Variants in IGF2R observed in about 807,000 individuals in gnomAD.
IGF2R encodes cation-independent mannose-6-phosphate receptor.
A neutral mutation model predicts 270.6 loss-of-function variants in IGF2R; 91 were observed. The ratio of observed to expected loss-of-function variants is 0.34; its 90% CI spans 0.28 to 0.40. The LOEUF is 0.40. Among genes scored for constraint, IGF2R ranks in the 10% least tolerant of loss-of-function variants. The probability of loss-of-function intolerance (pLI) is 1.00; values close to 1 mark genes in which losing one functional copy is unlikely to be tolerated. For synonymous variants in IGF2R, 1,316 were observed against 1,258.9 expected (o/e 1.05, Z -0.96); for missense variants, 2,805 against 3,188.3 (o/e 0.88, Z 2.90).
intron 20 of IGF2R, 30 bp from the exon 21 acceptor site, chr6:160,057,993 G>T (rs531833569): frequency 7.9e-6 from 11 of 1,391,172 alleles, no homozygotes; most frequent in Non-Finnish European, 1.1e-5. Flanking sequence ...GTTTGAATGC[G>T]CCCCTTTTTC....
chr6:160,044,803 T>A, intron 13 of IGF2R, 146 bp downstream of exon 13: 1 of 659,770 alleles, frequency 1.5e-6, no homozygotes. Context: ...ACTCTGGCGA[T>A]GGGAGATAGG....
chr6:160,096,863 G>A (rs1321977033), intron 45 of IGF2R, among the ~76,000 whole-genome samples: 1 of 152,130 alleles, frequency 6.6e-6, no homozygotes, highest in Non-Finnish European at 1.5e-5. Flanking sequence ...CAGCAGCAGT[G>A]CCATTGTTTC....
Position 160,024,683 on chromosome 6 carries a change from A to G in IGF2R, c.625A>G (p.Ile209Val), listed in dbSNP as rs772869020. The change falls in exon 5 of 48, where the codon ATC becomes GTC. Residue 209 changes from isoleucine to valine, a missense_variant. Around this residue, in one of 2 missense-constraint regions of IGF2R, gnomAD observed 954 missense variants for 981.1 expected, o/e 0.97. Coordinates refer to ENST00000356956, the MANE Select transcript of IGF2R (RefSeq NM_000876.4). ...DDSDPDTSLF[I>V]NVCRDIDTLR... ...CTCCGATCCGGACACTTCTCTATTC[A>G]TCAATGTTTGTAGAGACATAGGTAT... 3 of 1,613,988 alleles carry G rather than the reference A, an allele frequency of 1.9e-6. No homozygotes were observed. Among genetic ancestry groups the G allele is most frequent in the East Asian group, 2.2e-5 (1 of 44,896 alleles).
intron 45 of IGF2R, among the ~76,000 whole-genome samples, chr6:160,100,685 G>GCAA (rs1393222908): frequency 8.1e-6 from 1 of 123,236 alleles, no homozygotes; most frequent in African/African-American, 2.9e-5. Flanking sequence ...GAAAACTTTA[G>GCAA]CAAAAATTAA....
At chr6:160,018,492 C>T (rs1027113158) in intron 4 of IGF2R, among the ~76,000 whole-genome samples, 6 of 151,982 alleles carry the variant, frequency 3.9e-5, no homozygotes, top group African/African-American at 1.4e-4. Flanking sequence ...ATTTATAGAA[C>T]ATTCTCCCCA....
At chr6:160,055,772 A>G (rs1367296884) in intron 19 of IGF2R, among the ~76,000 whole-genome samples, 1 of 152,148 alleles carries the variant, frequency 6.6e-6, no homozygotes, top group Non-Finnish European at 1.5e-5. Flanking sequence ...CAAAACTCAT[A>G]GTGCAGTCCT....
intron 2 of IGF2R, 68 bp downstream of exon 2, chr6:159,991,391 T>A: frequency 7.1e-7 from 1 of 1,417,408 alleles, no homozygotes; most frequent in Non-Finnish European, 9.9e-7. Context: ...AATGACTGTG[T>A]ATAGCTATAC....
chr6:160,104,501 T>G (rs1779568411), intron 47 of IGF2R, among the ~76,000 whole-genome samples, 173 bp from the exon 48 acceptor site: 1 of 152,022 alleles, frequency 6.6e-6, no homozygotes, highest in South Asian at 2.1e-4. Context: ...AGGAAGGTGT[T>G]GCCAGCCCTC....
intron 2 of IGF2R, among the ~76,000 whole-genome samples, chr6:159,997,189 C>G (rs969546456): frequency 1.3e-5 from 2 of 152,198 alleles, no homozygotes; most frequent in Admixed American, 1.3e-4. Flanking sequence ...TCCTTTGTCC[C>G]AAGGAGTGCC....
intron 2 of IGF2R, among the ~76,000 whole-genome samples, chr6:159,994,985 G>A (rs532113136): frequency 4.6e-5 from 7 of 152,204 alleles, no homozygotes; most frequent in African/African-American, 1.7e-4. Context: ...TAAGTTCAGT[G>A]TTTTATTGTT....
chr6:160,048,318 T>C, intron 17 of IGF2R, 57 bp from the exon 18 acceptor site: 1 of 1,503,442 alleles, frequency 6.7e-7, no homozygotes, highest in Non-Finnish European at 9.2e-7. Flanking sequence ...TAGAAATAAA[T>C]GAGACTGAAA....
Position 160,060,628 on chromosome 6 carries a change from T to G in IGF2R, c.3173T>G (p.Ile1058Ser). Reference protein sequence around the residue: ...SGPLKFLHQDIDSGQGIRNTY... With the variant: ...SGPLKFLHQDSDSGQGIRNTY... Reference sequence around the variant, plus strand: ...CCCCTCAAATTCCTGCATCAAGATATCGACTCTGGGCAAGGGATCCGAAAC... The same window carrying G: ...CCCCTCAAATTCCTGCATCAAGATAGCGACTCTGGGCAAGGGATCCGAAAC... The change falls in exon 23 of 48, where the codon ATC becomes AGC. Residue 1058 changes from isoleucine (I) to serine (S), a missense_variant. By Grantham distance (142) the Ile-to-Ser change is moderately radical. This residue lies in a region of IGF2R where 1,851 missense variants were observed against 2,207.2 expected (regional missense o/e 0.84). Transcript: ENST00000356956. The G allele has an allele frequency of 6.2e-7, 1 of 1,614,238 alleles. No homozygotes were observed. Among genetic ancestry groups the G allele is most frequent in the South Asian group, 1.1e-5 (1 of 91,084 alleles).
intron 10 of IGF2R, among the ~76,000 whole-genome samples, chr6:160,039,194 G>A (rs1348654343): frequency 7.9e-5 from 12 of 152,212 alleles, no homozygotes; most frequent in Non-Finnish European, 1.5e-5. Context: ...AAGCTATATG[G>A]TGTAGCCTAT....
Position 160,079,806 on chromosome 6 carries a change from GTAAA to G in IGF2R, c.5686+24_5686+27del, listed in dbSNP as rs1778938332. 1 of 1,449,508 alleles carries G rather than the reference GTAAA, an allele frequency of 6.9e-7. No homozygotes were observed. The highest frequency in any genetic ancestry group is 9.1e-7 in the Non-Finnish European group (1 of 1,094,134). 89.8% of individuals were successfully genotyped at this position (1,449,508 alleles called of 1,614,324 possible). On this transcript the variant is annotated intron_variant, in intron 38 of 47. Transcript: ENST00000356956. ...CCTCCAGGTAAATATTTGCAATGAG[GTAAA>G]TAAACTTCAAGCTCATAGTAAACTA... is the stretch of plus-strand genomic sequence containing the variant.
At chr6:160,043,068 T>C in intron 11 of IGF2R, 80 bp from the exon 12 acceptor site, 1 of 1,498,004 alleles carries the variant, frequency 6.7e-7, no homozygotes, top group East Asian at 2.3e-5. Flanking sequence ...CCCTTGACTT[T>C]TGGCTTAATC....
chr6:160,008,031 C>T (rs903146859), intron 2 of IGF2R, among the ~76,000 whole-genome samples: 16 of 152,038 alleles, frequency 1.1e-4, no homozygotes, highest in African/African-American at 3.9e-4. Context: ...CTTTGGCCAC[C>T]TAAAATACAC....
At chr6:160,024,761 A>G (rs2277070) in intron 5 of IGF2R, 57 bp downstream of exon 5, 218,317 of 1,565,692 alleles carry the variant, frequency 0.14, 16,407 homozygotes, top group East Asian at 0.27. Context: ...CTATGGCTTC[A>G]ATATCTTTGC....
At chr6:160,066,437 G>A (rs928498142) in intron 29 of IGF2R, among the ~76,000 whole-genome samples, 1 of 152,288 alleles carries the variant, frequency 6.6e-6, no homozygotes, top group Admixed American at 6.5e-5. Context: ...ATAGGTGTGA[G>A]CCACTGCGCC....
At chr6:160,066,139 C>T (rs1236816272) in intron 29 of IGF2R, among the ~76,000 whole-genome samples, 2 of 151,642 alleles carry the variant, frequency 1.3e-5, no homozygotes, top group African/African-American at 2.4e-5. Flanking sequence ...CTCAGCCTCC[C>T]GAGTAGCTGG....
Sources: gnomAD v4.1 joint callset for allele counts (sites outside exome capture counted in the v4.1 genomes callset) on GRCh38, gnomAD v4.1.1 for gene constraint, gnomAD v4.1.1 regional missense constraint, MANE v1.5 for transcripts, NCBI Gene and HGNC (gene_info 2026-07-23, HGNC 2026-07-21) for gene names.